ADCY10: variants seen among roughly 807,000 people sequenced by gnomAD.
The protein encoded by ADCY10 is adenylate cyclase type 10.
A neutral mutation model predicts 183.3 loss-of-function variants in ADCY10; 156 were observed. The observed-to-expected ratio is 0.85, with a 90% CI of 0.75 to 0.97. The LOEUF (loss-of-function observed/expected upper bound fraction) is 0.97. Ranked by LOEUF, ADCY10 falls within the 50% of genes least tolerant of loss-of-function variation. ADCY10 has a pLI of 0.00. For missense variants in ADCY10, 1,745 were observed against 1,934.3 expected (o/e 0.90, Z 1.84); for synonymous variants, 645 against 670.0 (o/e 0.96, Z 0.58).
At position 167,836,407 on chromosome 1, in the gene ADCY10, G is replaced by A; in HGVS notation, c.3211C>T (p.Leu1071=). The change falls in exon 23 of 33, where the codon CTG becomes TTG. Residue 1071 remains leucine, a synonymous_variant. Coordinates refer to ENST00000367851, the MANE Select transcript of ADCY10 (RefSeq NM_018417.6). ...EEILEIVILP[L]AHHFLALGEN... ...CCCAAAGCCAGAAAATGGTGGGCCA[G>A]AGGCAAGATGACAATCTCTAGGATT... The A allele has an allele frequency of 6.2e-7, 1 of 1,614,150 alleles. No homozygotes were observed. Among genetic ancestry groups the A allele is most frequent in the East Asian group, 2.2e-5 (1 of 44,864 alleles).
At chr1:167,839,196 A>G (rs531856268) in intron 21 of ADCY10, among the ~76,000 whole-genome samples, 57 of 152,314 alleles carry the variant, frequency 3.7e-4, no homozygotes, top group Admixed American at 7.2e-4. Context: ...CTCAATCTCC[A>G]TTGTCCCTTT....
At chr1:167,856,475 T>C (rs780513330) in intron 16 of ADCY10, 36 bp from the exon 17 acceptor site, 26 of 1,612,354 alleles carry the variant, frequency 1.6e-5, no homozygotes, top group Non-Finnish European at 2.0e-5. Context: ...AGAAACACCA[T>C]AGGACGTCAG....
chr1:167,823,835 A>T (rs1034897107), intron 28 of ADCY10, among the ~76,000 whole-genome samples: 4 of 152,152 alleles, frequency 2.6e-5, no homozygotes, highest in African/African-American at 9.7e-5. Context: ...GTCAGAGCAA[A>T]TTGGCCTTGA....
intron 21 of ADCY10, 32 bp from the exon 22 acceptor site, chr1:167,837,350 A>C (rs1664291185): frequency 2.6e-6 from 4 of 1,565,186 alleles, no homozygotes; most frequent in Non-Finnish European, 3.5e-6. Flanking sequence ...TGTATGGGTC[A>C]TTGAAATGTT....
chr1:167,817,056 G>T (rs1425801290), intron 31 of ADCY10, among the ~76,000 whole-genome samples: 1 of 152,110 alleles, frequency 6.6e-6, no homozygotes, highest in Non-Finnish European at 1.5e-5. Context: ...CCGCCAAACT[G>T]TGAGTTAAGA....
chr1:167,901,151 G>A (rs76142814), intron 5 of ADCY10, among the ~76,000 whole-genome samples: 4,472 of 152,242 alleles, frequency 0.029, 203 homozygotes, highest in African/African-American at 0.098. Flanking sequence ...AAATATGTGT[G>A]ACTATTACTA....
intron 12 of ADCY10, among the ~76,000 whole-genome samples, chr1:167,876,613 G>A (rs1283157825): frequency 2.6e-5 from 4 of 152,210 alleles, no homozygotes; most frequent in Non-Finnish European, 5.9e-5. Flanking sequence ...CATACTGTGT[G>A]TGTATTTCTC....
rs1665883084 is a variant in ADCY10, at chr1:167,856,249, A to G, written c.2087T>C (p.Val696Ala). 2 of 1,613,952 alleles carry G rather than the reference A, an allele frequency of 1.2e-6. No homozygotes were observed. The highest frequency in any genetic ancestry group is 1.7e-6 in the Non-Finnish European group (2 of 1,179,862). Residue 696 changes from valine to alanine, a missense_variant, in exon 17 of 33, where the codon GTC (valine) becomes GCC (alanine). Val to Ala is a moderately conservative substitution (Grantham distance 64, BLOSUM62 0). Coordinates refer to ENST00000367851, the MANE Select transcript of ADCY10 (RefSeq NM_018417.6). ...VIKNRNTTYIVIGAVQPNDIS... is the reference protein window; with the variant it reads ...VIKNRNTTYIAIGAVQPNDIS... ...GTCGTTAGGCTGTACTGCACCAATG[A>G]CAATGTAGGTGGTGTTCCTGTTCTT...
chr1:167,845,253 G>A (rs1664920614), intron 21 of ADCY10, among the ~76,000 whole-genome samples: 1 of 152,122 alleles, frequency 6.6e-6, no homozygotes, highest in Non-Finnish European at 1.5e-5. Context: ...CCCCCCTTTG[G>A]ATTCCATCCT....
intron 5 of ADCY10, among the ~76,000 whole-genome samples, chr1:167,900,357 C>T (rs1450985559): frequency 2.6e-5 from 4 of 152,124 alleles, no homozygotes; most frequent in African/African-American, 9.7e-5. Flanking sequence ...TTTGGACTTA[C>T]TCTAAAAAAA....
chr1:167,810,014 C>A (rs1662105285), intron 32 of ADCY10, among the ~76,000 whole-genome samples, 175 bp from the exon 33 acceptor site: 1 of 152,252 alleles, frequency 6.6e-6, no homozygotes, highest in Non-Finnish European at 1.5e-5. Context: ...TTTAAATACA[C>A]ACATATACTC....
intron 11 of ADCY10, 109 bp from the exon 12 acceptor site, chr1:167,878,744 T>G: frequency 9.2e-7 from 1 of 1,081,470 alleles, no homozygotes; most frequent in South Asian, 1.4e-5. Context: ...CTCCCTTTGC[T>G]GTTCATGAGT....
intron 31 of ADCY10, among the ~76,000 whole-genome samples, chr1:167,817,833 G>A (rs1662622215): frequency 6.6e-6 from 1 of 152,176 alleles, no homozygotes; most frequent in African/African-American, 2.4e-5. Context: ...AGAGAAATGT[G>A]CATGCACACA....
At chr1:167,893,695 CAAAAAAAAAAAAAAAA>C (rs748872658) in intron 8 of ADCY10, among the ~76,000 whole-genome samples, 142 bp downstream of exon 8, 1 of 70,188 alleles carries the variant, frequency 1.4e-5, no homozygotes, top group African/African-American at 5.0e-5. Context: ...GACTCTGTCT[CAAAAAAAAAAAAAAAA>C]AAAAAAAAGG....
chr1:167,904,455 CA>C (rs1320079852), intron 2 of ADCY10, among the ~76,000 whole-genome samples: 1 of 152,078 alleles, frequency 6.6e-6, no homozygotes, highest in African/African-American at 2.4e-5. Context: ...GTCAGACATG[CA>C]GCCTCCTCTA....
At chr1:167,888,838 T>TGCAGTCCA (rs2102318375) in intron 8 of ADCY10, among the ~76,000 whole-genome samples, 1 of 61,162 alleles carries the variant, frequency 1.6e-5, no homozygotes, top group African/African-American at 7.0e-5. Context: ...ACAGCGCAAC[T>TGCAGTCCA]GCAGTCCAGC....
chr1:167,836,239 A>T (rs1246303060), intron 23 of ADCY10, 70 bp downstream of exon 23: 2 of 1,020,438 alleles, frequency 2.0e-6, no homozygotes, highest in Non-Finnish European at 3.1e-6. Flanking sequence ...AGCATGCTGG[A>T]GCTTCCTTCT....
chr1:167,811,026 G>T, intron 31 of ADCY10, 113 bp from the exon 32 acceptor site: 1 of 992,798 alleles, frequency 1.0e-6, no homozygotes, highest in Non-Finnish European at 1.5e-6. Context: ...GCAATCAAGT[G>T]AGAAAATACA....
intron 13 of ADCY10, among the ~76,000 whole-genome samples, chr1:167,874,642 C>G (rs1367208834): frequency 6.6e-6 from 1 of 152,158 alleles, no homozygotes; most frequent in African/African-American, 2.4e-5. Flanking sequence ...TGCATACATG[C>G]ATTCACCAAA....
Sources: allele counts gnomAD v4.1 joint callset (sites outside exome capture counted in the v4.1 genomes callset), GRCh38; gene constraint gnomAD v4.1.1; transcripts MANE v1.5; gene names NCBI Gene and HGNC (gene_info 2026-07-23, HGNC 2026-07-21).